ARID1A: variants seen among roughly 807,000 people sequenced by gnomAD.
ARID1A encodes AT-rich interactive domain-containing protein 1A.
ARID1A carries 20 observed loss-of-function variants against 212.6 expected under a neutral mutation model. That is an observed-to-expected ratio of 0.09 (90% confidence interval 0.07 to 0.14). ARID1A has a LOEUF of 0.14. Among genes scored for constraint, ARID1A ranks in the 10% least tolerant of loss-of-function variants. The pLI is 1.00. For missense variants in ARID1A, 2,587 were observed against 3,059.0 expected (o/e 0.85, Z 3.64); for synonymous variants, 1,376 against 1,222.1 (o/e 1.13, Z -2.63).
chr1:26,697,667 T>C lies in ARID1A; in HGVS notation c.1137+127T>C, dbSNP rs1322415168. 22 of 940,500 alleles carry C rather than the reference T, an allele frequency of 2.3e-5. 1 individual carries two copies. Among genetic ancestry groups the C allele is most frequent in the Non-Finnish European group, 3.1e-5 (22 of 718,680 alleles). 58.3% of individuals were successfully genotyped at this position (940,500 alleles called of 1,614,324 possible). On this transcript the variant is annotated intron_variant, in intron 1 of 19. Coordinates refer to ENST00000324856, the MANE Select transcript of ARID1A (RefSeq NM_006015.6). Reference sequence around the variant, plus strand: ...GCCCCCACTGCTGGGGAGCTGCCATTGTCTGGCTCTTCTCTCTTAAAATGG... The same window carrying C: ...GCCCCCACTGCTGGGGAGCTGCCATCGTCTGGCTCTTCTCTCTTAAAATGG...
intron 8 of ARID1A, chr1:26,765,845 CAA>C (rs1432525294): frequency 6.3e-6 from 1 of 158,560 alleles, no homozygotes; most frequent in African/African-American, 2.5e-5. Context: ...GCCTGGGCAA[CAA>C]GAGTGAAACT....
In ARID1A at chr1:26,696,538, C is replaced by T. The variant is rs892415319; in HGVS notation, c.135C>T (p.Ala45=). 394 of 1,223,954 alleles carry T rather than the reference C, an allele frequency of 3.2e-4. 4 individuals carry two copies. The African/African-American group carries it at 6.0e-3, about 19-fold the overall frequency. The allele number at this position is 1,223,954 out of a possible 1,614,324, so 75.8% of individuals were successfully genotyped here. Residue 45 remains alanine, a synonymous_variant, in exon 1 of 20, where the codon GCC becomes GCT. Transcript: ENST00000324856. ...AGGEAAAAAA[A]ERGEMKAAAG... ...GCGAGGCGGCGGCGGCGGCAGCGGC[C>T]GAGCGCGGGGAAATGAAGGCAGCCG...
chr1:26,707,623 G>A (rs1304695408), intron 1 of ARID1A, among the ~76,000 whole-genome samples: 1 of 152,090 alleles, frequency 6.6e-6, no homozygotes, highest in Non-Finnish European at 1.5e-5. Context: ...GATTACAGGC[G>A]TGAGCCACTG....
chr1:26,744,154 C>T (rs1186966119), intron 4 of ARID1A, among the ~76,000 whole-genome samples: 1 of 152,196 alleles, frequency 6.6e-6, no homozygotes, highest in African/African-American at 2.4e-5. Context: ...TTCTCTAGAA[C>T]GCTGGTTCTC....
At position 26,730,037 on chromosome 1, in the gene ARID1A, T is replaced by C. The variant is rs144559249; in HGVS notation, c.1350+174T>C. Among the ~76,000 whole-genome samples the C allele has an allele frequency of 1.0e-3, 159 of 152,334 alleles. 2 individuals are homozygous for C. Among genetic ancestry groups the C allele is most frequent in the African/African-American group, 3.5e-3 (145 of 41,568 alleles). ...AGCCAAAGCTATAGGCACCGTTCCATGTGTGCTCCAAGGAAAACTACTTAC... is the reference window on the plus strand; with the variant it reads ...AGCCAAAGCTATAGGCACCGTTCCACGTGTGCTCCAAGGAAAACTACTTAC... On this transcript the variant is annotated intron_variant, in intron 2 of 19. Coordinates refer to ENST00000324856, the MANE Select transcript of ARID1A (RefSeq NM_006015.6).
intron 1 of ARID1A, among the ~76,000 whole-genome samples, chr1:26,726,606 C>T (rs891521529): frequency 6.6e-6 from 1 of 152,192 alleles, no homozygotes; most frequent in African/African-American, 2.4e-5. Flanking sequence ...TAGGCTATGA[C>T]CCTGGCTTTA....
rs397860721 is a variant in ARID1A at position 26,708,266 on chromosome 1, C to CTTTTTTTTTTTTTTTTTTTTTTTTTTTTT, written c.1137+10734_1137+10762dup. On this transcript the variant is annotated intron_variant, in intron 1 of 19. Coordinates refer to ENST00000324856, the MANE Select transcript of ARID1A (RefSeq NM_006015.6). ...TCAGCCTTTAAGATACAGTCCTTCA[C>CTTTTTTTTTTTTTTTTTTTTTTTTTTTTT]TTTTTTTTTTTTTTTTTTTTTTTTT... Among the ~76,000 whole-genome samples the CTTTTTTTTTTTTTTTTTTTTTTTTTTTTT allele has an allele frequency of 8.4e-5, 2 of 23,754 alleles. 1 individual carries two copies. Among genetic ancestry groups the CTTTTTTTTTTTTTTTTTTTTTTTTTTTTT allele is most frequent in the Non-Finnish European group, 1.4e-4 (2 of 13,996 alleles). The allele number at this position is 23,754 out of a possible 152,430, so 15.6% of individuals were successfully genotyped here. A position where few individuals can be genotyped will look rare whatever the true frequency, so the allele number is the denominator to read the frequency against.
Position 26,774,041 on chromosome 1 carries a change from G to A in ARID1A, c.4101+143G>A. The A allele has an allele frequency of 3.5e-6, 4 of 1,146,268 alleles. No individual in the cohort carries two copies. Among genetic ancestry groups the A allele is most frequent in the South Asian group, 1.5e-5 (1 of 65,764 alleles). The allele number at this position is 1,146,268 out of a possible 1,614,324, so 71.0% of individuals were successfully genotyped here. Reference sequence around the variant, plus strand: ...CTCACCTGACTGGCCAGTCCTGCCTGAAGAGCCACGTCCTCAATCTCTTCT... The same window carrying A: ...CTCACCTGACTGGCCAGTCCTGCCTAAAGAGCCACGTCCTCAATCTCTTCT... On this transcript the variant is annotated intron_variant, in intron 17 of 19. Transcript: ENST00000324856. This position sits in a 1 kb window ranked among gnomAD's most constrained non-coding sequence, Gnocchi z 5.6.
At chr1:26,736,275 G>A (rs939764041) in intron 4 of ARID1A, among the ~76,000 whole-genome samples, 16 of 134,708 alleles carry the variant, frequency 1.2e-4, no homozygotes, top group African/African-American at 2.5e-4. Context: ...GCATTGAGCC[G>A]AGATCACACC....
chr1:26,742,046 G>A (rs1348511445), intron 4 of ARID1A, among the ~76,000 whole-genome samples: 7 of 152,038 alleles, frequency 4.6e-5, no homozygotes, highest in Non-Finnish European at 1.0e-4. Context: ...AAAAACCAAG[G>A]GTCAGAATCA....
intron 4 of ARID1A, among the ~76,000 whole-genome samples, chr1:26,744,064 G>C (rs75045193): frequency 3.7e-4 from 57 of 152,152 alleles, no homozygotes; most frequent in African/African-American, 1.4e-3. Flanking sequence ...TCAGAGTCTC[G>C]AAAAGGAAAT....
chr1:26,701,575 A>G (rs1018221816), intron 1 of ARID1A, among the ~76,000 whole-genome samples: 4 of 151,964 alleles, frequency 2.6e-5, no homozygotes, highest in East Asian at 1.9e-4. Context: ...TGCTTTCTCT[A>G]TTTTTCATTT....
chr1:26,779,745 C>T lies in ARID1A; in HGVS notation c.5847C>T (p.His1949=), dbSNP rs2124143379. Residue 1949 remains histidine (H), a synonymous_variant, in exon 20 of 20, where the codon CAC becomes CAT. Coordinates refer to ENST00000324856, the MANE Select transcript of ARID1A (RefSeq NM_006015.6). ...FPFGISPAQS[H]RNIKILEDEP... is the part of the protein sequence containing the mutation. ...TTGGCATTAGCCCAGCACAGAGCCA[C>T]CGGAACATCAAGATCCTAGAGGACG... 1 of 1,614,138 alleles carries T rather than the reference C, an allele frequency of 6.2e-7. No individual in the cohort carries two copies. The highest frequency in any genetic ancestry group is 8.5e-7 in the Non-Finnish European group (1 of 1,180,030).
intron 1 of ARID1A, among the ~76,000 whole-genome samples, chr1:26,705,451 T>C (rs62757562): frequency 0.16 from 23,161 of 143,054 alleles, 1,947 homozygotes; most frequent in South Asian, 0.31. Context: ...TTTTTTTTTT[T>C]CCCCCCCCCT....
chr1:26,743,567 GGCTCACAC>G (rs2080808309), intron 4 of ARID1A, among the ~76,000 whole-genome samples: 1 of 151,970 alleles, frequency 6.6e-6, no homozygotes, highest in African/African-American at 2.4e-5. Context: ...TGGGCACGGT[GGCTCACAC>G]CTATAGTCCC....
chr1:26,781,446 T>TA lies in ARID1A; in HGVS notation c.*693dup. 1 of 233,186 alleles carries TA rather than the reference T, an allele frequency of 4.3e-6. No individual in the cohort carries two copies. The highest frequency in any genetic ancestry group is 8.5e-6 in the Non-Finnish European group (1 of 117,880). The allele number at this position is 233,186 out of a possible 1,614,324, so 14.4% of individuals were successfully genotyped here. A position where few individuals can be genotyped will look rare whatever the true frequency, so the allele number is the denominator to read the frequency against. On this transcript the variant is annotated 3_prime_UTR_variant, in exon 20 of 20. Coordinates refer to ENST00000324856, the MANE Select transcript of ARID1A (RefSeq NM_006015.6). ...TGTAGTTTTTAAAAATGTTTTTAGT[T>TA]AAACGTTGAGGAGAAAAAAAAAAAA...
chr1:26,699,688 C>T (rs139353022), intron 1 of ARID1A, among the ~76,000 whole-genome samples: 1 of 152,246 alleles, frequency 6.6e-6, no homozygotes, highest in Admixed American at 6.5e-5. Flanking sequence ...ATAGTCTGAA[C>T]CTCTTTCCTC....
At chr1:26,777,112 T>A (rs1358645790) in intron 19 of ARID1A, among the ~76,000 whole-genome samples, 1 of 152,202 alleles carries the variant, frequency 6.6e-6, no homozygotes, top group African/African-American at 2.4e-5. Context: ...GCACCTAGGC[T>A]GGAGTGTAGT....
At chr1:26,737,013 G>A (rs1241204335) in intron 4 of ARID1A, among the ~76,000 whole-genome samples, 1 of 152,028 alleles carries the variant, frequency 6.6e-6, no homozygotes, top group Non-Finnish European at 1.5e-5. Context: ...GCTAACACAG[G>A]TAAAACTTTA....
Sources: gnomAD v4.1 joint callset for allele counts (sites outside exome capture counted in the v4.1 genomes callset) on GRCh38, gnomAD v4.1.1 for gene constraint, Gnocchi (gnomAD v3.1) non-coding constraint, MANE v1.5 for transcripts, NCBI Gene and HGNC (gene_info 2026-07-23, HGNC 2026-07-21) for gene names.